TBC1D19: variants seen among roughly 807,000 people sequenced by gnomAD.
TBC1D19 encodes TBC1 domain family, member 19.
A neutral mutation model predicts 89.0 loss-of-function variants in TBC1D19; 60 were observed. The ratio of observed to expected loss-of-function variants is 0.67; its 90% CI spans 0.55 to 0.84. The LOEUF (loss-of-function observed/expected upper bound fraction) is 0.84, where lower values mean the gene tolerates loss of function less well. Ranked by LOEUF, TBC1D19 falls within the 40% of genes least tolerant of loss-of-function variation. The probability of loss-of-function intolerance (pLI) is 0.00; values close to 1 mark genes in which losing one functional copy is unlikely to be tolerated. For synonymous variants in TBC1D19, 189 were observed against 199.7 expected (o/e 0.95, Z 0.45); for missense variants, 500 against 610.8 (o/e 0.82, Z 1.91).
At chr4:26,742,268 T>G in intron 17 of TBC1D19, among the ~76,000 whole-genome samples, 1 of 152,214 alleles carries the variant, frequency 6.6e-6, no homozygotes, top group East Asian at 1.9e-4. Flanking sequence ...GGGAGCATAT[T>G]GTGTAAAAAG....
chr4:26,769,327 A>G, the TBC1D19 span, among the ~76,000 whole-genome samples: 4 of 152,072 alleles, frequency 2.6e-5, no homozygotes, highest in Non-Finnish European at 5.9e-5. Context: ...AATGGCTCTA[A>G]AAGGAAATGT....
At chr4:26,618,826 A>G (rs1741854896) in intron 3 of TBC1D19, among the ~76,000 whole-genome samples, 1 of 152,212 alleles carries the variant, frequency 6.6e-6, no homozygotes, top group Admixed American at 6.5e-5. Flanking sequence ...ATGGTTGCCT[A>G]AAATAGTTTA....
chr4:26,834,640 G>A, the TBC1D19 span, among the ~76,000 whole-genome samples: 47 of 152,234 alleles, frequency 3.1e-4, no homozygotes, highest in Middle Eastern at 6.8e-3. Flanking sequence ...GGGTCCTGAA[G>A]AGAGACCAAA....
chr4:26,586,237 T>C (rs1395363207), intron 1 of TBC1D19, among the ~76,000 whole-genome samples: 4 of 150,232 alleles, frequency 2.7e-5, no homozygotes, highest in Non-Finnish European at 4.4e-5. Flanking sequence ...GAAAAACCTA[T>C]CCTTTCTCTG....
At chr4:26,747,613 G>C (rs1718720981) in intron 18 of TBC1D19, among the ~76,000 whole-genome samples, 1 of 152,164 alleles carries the variant, frequency 6.6e-6, no homozygotes, top group African/African-American at 2.4e-5. Context: ...AGTTTAGCTA[G>C]TACCTGTCAG....
chr4:26,590,721 G>C (rs564701286), intron 1 of TBC1D19, among the ~76,000 whole-genome samples: 2 of 141,418 alleles, frequency 1.4e-5, no homozygotes, highest in East Asian at 4.5e-4. Flanking sequence ...TGTTTCAGTT[G>C]AACTAATATT....
Position 26,644,691 on chromosome 4 carries a change from A to G in TBC1D19, c.480+4504A>G, listed in dbSNP as rs114198881. 3.8e-3 allele frequency among the ~76,000 whole-genome samples: 580 copies of G among 152,336 alleles called. 1 individual carries two copies. The highest frequency in any genetic ancestry group is 0.028 in the South Asian group (135 of 4,828). ...GAAGATCCCATCATCTCAGCTGCAA[A>G]TCTCCTTAGGCTGATAAGCAACTTC... On this transcript the variant is annotated intron_variant, in intron 7 of 20. Coordinates refer to ENST00000264866, the MANE Select transcript of TBC1D19 (RefSeq NM_018317.4).
At position 26,596,771 on chromosome 4, in the gene TBC1D19, C is replaced by T. The variant is rs6811608; in HGVS notation, c.99+12479C>T. 4.8e-3 allele frequency among the ~76,000 whole-genome samples: 731 copies of T among 152,024 alleles called. 4 individuals are homozygous for T. The highest frequency in any genetic ancestry group is 7.0e-3 in the Non-Finnish European group (475 of 67,998). ...CACTGCTTTGACTGCATTCCACAGT[C>T]CTAATGAGACATATTTTTATTATCC... is the stretch of plus-strand genomic sequence containing the variant. On this transcript the variant is annotated intron_variant, in intron 1 of 20. Transcript: ENST00000264866.
At chr4:26,633,757 C>A (rs939805778) in intron 4 of TBC1D19, among the ~76,000 whole-genome samples, 2 of 152,108 alleles carry the variant, frequency 1.3e-5, no homozygotes, top group African/African-American at 4.8e-5. Context: ...CATTAAAAAC[C>A]CGTTCAGCCA....
chr4:26,696,529 C>T (rs1215829839), intron 13 of TBC1D19, among the ~76,000 whole-genome samples: 1 of 152,236 alleles, frequency 6.6e-6, no homozygotes. Context: ...CTGCAGAACT[C>T]TCCACCCCAA....
At chr4:26,745,356 C>G (rs1718591500) in intron 18 of TBC1D19, among the ~76,000 whole-genome samples, 1 of 151,484 alleles carries the variant, frequency 6.6e-6, no homozygotes, top group Admixed American at 6.6e-5. Flanking sequence ...TTTAGTTATT[C>G]CATGTTCTCT....
downstream of TBC1D19, among the ~76,000 whole-genome samples, chr4:26,760,265 A>G (rs1035155927): frequency 3.3e-5 from 5 of 152,156 alleles, no homozygotes; most frequent in African/African-American, 4.8e-5. Context: ...TAAATCAATG[A>G]TCTTACTAAG....
At chr4:26,851,873 G>A in the TBC1D19 span, among the ~76,000 whole-genome samples, 1 of 152,172 alleles carries the variant, frequency 6.6e-6, no homozygotes, top group Admixed American at 6.5e-5. Flanking sequence ...GTGCCACCAC[G>A]CTCAGCTATC....
chr4:26,831,599 T>TC, the TBC1D19 span, among the ~76,000 whole-genome samples: 1 of 146,366 alleles, frequency 6.8e-6, no homozygotes, highest in Non-Finnish European at 1.5e-5. Flanking sequence ...TTCTTTTTTT[T>TC]TTTTTGAGAC....
chr4:26,753,565 C>CT (rs898306191), intron 19 of TBC1D19, among the ~76,000 whole-genome samples: 5 of 152,030 alleles, frequency 3.3e-5, no homozygotes, highest in Admixed American at 6.6e-5. Flanking sequence ...TATAAAATGG[C>CT]TTTTTTTTAA....
chr4:26,631,686 C>T lies in TBC1D19; in HGVS notation c.295-5525C>T, dbSNP rs544589534. Among the ~76,000 whole-genome samples the T allele has an allele frequency of 2.0e-5, 3 of 152,170 alleles. No homozygotes were observed. The East Asian group carries it at 5.8e-4, about 29-fold the overall frequency. On this transcript the variant is annotated intron_variant, in intron 4 of 20. Coordinates refer to ENST00000264866, the MANE Select transcript of TBC1D19 (RefSeq NM_018317.4). ...GTAATCAAATAAGTTTTAATCAGCACTTCTTACATTCTTAACAGTCTTTCT... is the reference window on the plus strand; with the variant it reads ...GTAATCAAATAAGTTTTAATCAGCATTTCTTACATTCTTAACAGTCTTTCT...
the TBC1D19 span, among the ~76,000 whole-genome samples, chr4:26,807,909 A>G: frequency 6.6e-5 from 10 of 152,272 alleles, no homozygotes; most frequent in South Asian, 1.9e-3. Flanking sequence ...ATGGGTAAGG[A>G]GTGTTATGAG....
the TBC1D19 span, among the ~76,000 whole-genome samples, chr4:26,796,076 C>T: frequency 1.3e-5 from 2 of 152,130 alleles, no homozygotes; most frequent in Non-Finnish European, 2.9e-5. Flanking sequence ...GCTTTCTTGT[C>T]CTTTATTATA....
intron 13 of TBC1D19, among the ~76,000 whole-genome samples, chr4:26,693,474 G>A (rs914607290): frequency 6.6e-5 from 10 of 152,082 alleles, no homozygotes; most frequent in East Asian, 1.9e-4. Flanking sequence ...CAGGACAATC[G>A]CTTGAGCCCA....
Sources: allele counts gnomAD v4.1 joint callset (sites outside exome capture counted in the v4.1 genomes callset), GRCh38; gene constraint gnomAD v4.1.1; transcripts MANE v1.5; gene names NCBI Gene and HGNC (gene_info 2026-07-23, HGNC 2026-07-21).